GSE1: variants seen among roughly 807,000 people sequenced by gnomAD.
GSE1 encodes the protein Gse1 coiled-coil protein.
A neutral mutation model predicts 112.6 loss-of-function variants in GSE1; 32 were observed. The ratio of observed to expected loss-of-function variants is 0.28; its 90% confidence interval spans 0.21 to 0.38. The LOEUF is 0.38. Ranked by LOEUF, GSE1 falls within the 10% of genes least tolerant of loss-of-function variation. GSE1 has a pLI of 1.00. For synonymous variants in GSE1, 1,115 were observed against 735.6 expected, an observed-to-expected ratio of 1.52 and a Z score of -8.35; for missense variants, 2,348 against 1,699.2, an observed-to-expected ratio of 1.38 and a Z score of -6.71.
intron 1 of GSE1, chr16:85,282,845 T>G (rs1228527334): frequency 1.3e-5 from 2 of 152,284 alleles, no homozygotes; most frequent in African/African-American, 2.4e-5. Flanking sequence ...CTCCCAAACC[T>G]TGTGGCTTAC....
intron 2 of GSE1, among the ~76,000 whole-genome samples, chr16:85,362,478 A>G (rs2047101688): frequency 6.6e-6 from 1 of 152,222 alleles, no homozygotes; most frequent in Non-Finnish European, 1.5e-5. Context: ...TCCAAGTCCT[A>G]GCATTACTAC....
intron 2 of GSE1, among the ~76,000 whole-genome samples, chr16:85,411,153 G>T (rs1217149894): frequency 1.1e-5 from 1 of 92,296 alleles, no homozygotes; most frequent in Non-Finnish European, 2.0e-5. Context: ...GGCCCCCCTG[G>T]ATAATCCTCA....
intron 1 of GSE1, among the ~76,000 whole-genome samples, chr16:85,596,689 A>G (rs1336223146): frequency 6.6e-6 from 1 of 152,234 alleles, no homozygotes. Flanking sequence ...TCAAGTGCTT[A>G]GAGGCCATGT....
At chr16:85,307,849 A>G (rs2045723830) in intron 1 of GSE1, among the ~76,000 whole-genome samples, 1 of 152,180 alleles carries the variant, frequency 6.6e-6, no homozygotes, top group Non-Finnish European at 1.5e-5. Context: ...GGACTCTTCA[A>G]GGGCCTAGAG....
intron 1 of GSE1, among the ~76,000 whole-genome samples, chr16:85,191,684 C>A (rs2074825415): frequency 6.6e-6 from 1 of 152,208 alleles, no homozygotes; most frequent in African/African-American, 2.4e-5. Flanking sequence ...GGTGTTGCTA[C>A]AAACATAGTC....
intron 1 of GSE1, among the ~76,000 whole-genome samples, chr16:85,247,473 C>A (rs950993781): frequency 1.3e-5 from 2 of 152,164 alleles, no homozygotes; most frequent in East Asian, 3.9e-4. Context: ...CGGGCCTGAG[C>A]CAGAGAGGAG....
Position 85,327,564 on chromosome 16 carries a change from C to T in GSE1, c.2284-29899C>T, listed in dbSNP as rs565808582. ...GTTGCAGTGAGCTGAGATCGCACCA[C>T]TGCACTCCAGCCTGGGCAACAGAGC... On this transcript the variant is annotated intron_variant, in intron 1 of 2. Coordinates refer to the GSE1 transcript ENST00000637419. Among the ~76,000 whole-genome samples, 10 of 152,234 alleles carry T rather than the reference C, an allele frequency of 6.6e-5. No homozygotes were observed. The South Asian group carries it at 2.1e-3, about 32-fold the overall frequency.
chr16:85,302,455 C>CA, intron 1 of GSE1, among the ~76,000 whole-genome samples: 1 of 152,064 alleles, frequency 6.6e-6, no homozygotes, highest in African/African-American at 2.4e-5. Flanking sequence ...ACCGCCCCCC[C>CA]CCGCCCCCAC....
At position 85,303,388 on chromosome 16, in the gene GSE1, C is replaced by G. The variant is rs562789957; in HGVS notation, c.2284-54075C>G. Among the ~76,000 whole-genome samples, 6 of 152,356 alleles carry G rather than the reference C, an allele frequency of 3.9e-5. No homozygotes were observed. In the South Asian group the frequency reaches 1.2e-3, roughly 32 times the overall value. On this transcript the variant is annotated intron_variant, in intron 1 of 2. Coordinates refer to the GSE1 transcript ENST00000637419. ...ACCCAGATGTTTCCAGAAAGGAGGT[C>G]TGTGGTTTCCCACCTGTCGGTCTGA...
chr16:85,254,185 G>C (rs567257181), intron 1 of GSE1, among the ~76,000 whole-genome samples: 1 of 152,332 alleles, frequency 6.6e-6, no homozygotes, highest in East Asian at 1.9e-4. Flanking sequence ...GGTGTACTCT[G>C]GTGCACAGAG....
intron 1 of GSE1, among the ~76,000 whole-genome samples, chr16:85,231,175 T>C (rs1272220703): frequency 6.8e-6 from 1 of 146,656 alleles, no homozygotes; most frequent in East Asian, 2.1e-4. Flanking sequence ...GACAGATGGA[T>C]GGATGGATGG....
intron 5 of GSE1, 25 bp downstream of exon 5, chr16:85,655,016 T>A (rs1249206841): frequency 7.0e-7 from 1 of 1,425,040 alleles, no homozygotes. Flanking sequence ...ACGCGCCCTC[T>A]CGTCTAGGTG....
At chr16:85,561,973 G>T (rs1428219495) in intron 1 of GSE1, among the ~76,000 whole-genome samples, 3 of 152,228 alleles carry the variant, frequency 2.0e-5, no homozygotes, top group Admixed American at 2.0e-4. Context: ...TGGAGCCGAG[G>T]CGGGGACGGG....
rs994153433 is a variant in GSE1 at position 85,654,529 on chromosome 16, GC to G, written c.599+80del. 20 of 1,267,020 alleles carry G rather than the reference GC, an allele frequency of 1.6e-5. No homozygotes were observed. The Middle Eastern group carries it at 7.6e-4, about 48-fold the overall frequency. The allele number at this position is 1,267,020 out of a possible 1,614,324, so 78.5% of individuals were successfully genotyped here. On this transcript the variant is annotated intron_variant, in intron 4 of 15. Transcript: ENST00000253458. ...CAGGGTCTGGGTCCCCAGGCAGCCTGCGGTCTGCACAGATGAGGCTGTGCCT... is the reference window on the plus strand; with the variant it reads ...CAGGGTCTGGGTCCCCAGGCAGCCTGGGTCTGCACAGATGAGGCTGTGCCT...
chr16:85,654,179 A>T, intron 3 of GSE1, 99 bp from the exon 4 acceptor site: 2 of 1,104,896 alleles, frequency 1.8e-6, no homozygotes, highest in Admixed American at 2.5e-5. Flanking sequence ...AACATGAACT[A>T]AATCTAGCGC....
chr16:85,478,341 A>G, intron 2 of GSE1, among the ~76,000 whole-genome samples: 1 of 152,042 alleles, frequency 6.6e-6, no homozygotes. Flanking sequence ...AGCCTGGCCA[A>G]CATGGTGAAA....
chr16:85,323,147 G>A (rs1279090956), intron 1 of GSE1, among the ~76,000 whole-genome samples: 3 of 152,170 alleles, frequency 2.0e-5, no homozygotes, highest in African/African-American at 4.8e-5. Context: ...GGGGCAAGAC[G>A]TGAGAGGCAA....
intron 7 of GSE1, 133 bp downstream of exon 7, chr16:85,656,798 G>T: frequency 7.8e-7 from 1 of 1,276,130 alleles, no homozygotes; most frequent in Non-Finnish European, 1.0e-6. Context: ...GCGTGGTGTG[G>T]CTGAACATGG....
rs186883268 is a variant in GSE1 at position 85,315,339 on chromosome 16, C to T, written c.2284-42124C>T. Among the ~76,000 whole-genome samples the T allele has an allele frequency of 2.0e-5, 3 of 152,272 alleles. No individual in the cohort carries two copies. In the East Asian group the frequency reaches 5.8e-4, roughly 29 times the overall value. On this transcript the variant is annotated intron_variant, in intron 1 of 2. Transcript: ENST00000637419. ...CCTGCACGCACATCAGATTGAAGGA[C>T]GTTTTGCTTACAAATAGGGTTCAGA...
Sources: allele counts gnomAD v4.1 joint callset (sites outside exome capture counted in the v4.1 genomes callset), GRCh38; gene constraint gnomAD v4.1.1; transcripts MANE v1.5; gene names NCBI Gene and HGNC (gene_info 2026-07-23, HGNC 2026-07-21).